UBQLN1: variants seen among roughly 807,000 people sequenced by gnomAD.
UBQLN1 encodes the protein ubiquilin 1, also known as ubiquilin-1.
A neutral mutation model predicts 65.4 loss-of-function variants in UBQLN1; 13 were observed. The observed-to-expected ratio is 0.20, with a 90% CI of 0.13 to 0.32. The LOEUF is 0.32. UBQLN1 is among the 10% of genes least tolerant of loss of function. UBQLN1 has a pLI of 1.00. For missense variants in UBQLN1, 561 were observed against 724.0 expected (o/e 0.77, Z 2.58); for synonymous variants, 267 against 247.8 (o/e 1.08, Z -0.73).
At position 83,686,139 on chromosome 9, in the gene UBQLN1, G is replaced by C; in HGVS notation, c.197C>G (p.Ser66Cys). The part of the protein sequence containing the change: ...SSVQQFKEEI[S>C]KRFKSHTDQL... ...GTCAGTATGTGATTTAAAACGTTTAGAGATTTCTTCCTTAAACTAAATAAA... is the reference window on the plus strand; with the variant it reads ...GTCAGTATGTGATTTAAAACGTTTACAGATTTCTTCCTTAAACTAAATAAA... Residue 66 changes from serine (S) to cysteine (C), a missense_variant, in exon 2 of 11, where the codon TCT becomes TGT. This residue lies in a region of UBQLN1 where 101 missense variants were observed against 104.9 expected (regional missense o/e 0.96). Coordinates refer to ENST00000376395, the MANE Select transcript of UBQLN1 (RefSeq NM_013438.5). 6.3e-7 allele frequency: 1 copy of C among 1,579,970 alleles called. No individual in the cohort carries two copies. The highest frequency in any genetic ancestry group is 8.6e-7 in the Non-Finnish European group (1 of 1,166,010).
intron 9 of UBQLN1, 125 bp downstream of exon 9, chr9:83,664,905 C>T (rs998597316): frequency 4.2e-5 from 26 of 620,018 alleles, no homozygotes; most frequent in Middle Eastern, 3.5e-4. Flanking sequence ...AGGCGAAGGG[C>T]GAGACCCTGT....
intron 10 of UBQLN1, among the ~76,000 whole-genome samples, chr9:83,663,014 C>T (rs181706023): frequency 1.0e-4 from 15 of 148,150 alleles, no homozygotes; most frequent in Admixed American, 7.5e-4. Flanking sequence ...AGGTGCAGGT[C>T]GCAGTGAGCT....
chr9:83,696,406 G>C (rs948116533), intron 1 of UBQLN1, among the ~76,000 whole-genome samples: 8 of 151,918 alleles, frequency 5.3e-5, no homozygotes, highest in African/African-American at 1.9e-4. Flanking sequence ...ATATTCCTAA[G>C]ACCAGCCTGT....
At chr9:83,670,525 T>C (rs550758138) in intron 6 of UBQLN1, among the ~76,000 whole-genome samples, 22 of 152,174 alleles carry the variant, frequency 1.4e-4, no homozygotes, top group Non-Finnish European at 2.6e-4. Flanking sequence ...GTCTATTAAG[T>C]ATGCCACAGC....
chr9:83,694,549 G>C (rs939083447), intron 1 of UBQLN1, among the ~76,000 whole-genome samples: 2 of 152,080 alleles, frequency 1.3e-5, no homozygotes, highest in African/African-American at 4.8e-5. Flanking sequence ...ATGAGAAAGG[G>C]GCACTCTCTC....
intron 1 of UBQLN1, among the ~76,000 whole-genome samples, chr9:83,705,302 G>A (rs896959364): frequency 1.8e-4 from 26 of 143,896 alleles, no homozygotes; most frequent in Admixed American, 1.7e-3. Flanking sequence ...CTGCAATGTC[G>A]CAATCTCGGC....
intron 10 of UBQLN1, among the ~76,000 whole-genome samples, chr9:83,662,632 T>C (rs1179593992): frequency 6.6e-6 from 1 of 152,220 alleles, no homozygotes; most frequent in East Asian, 1.9e-4. Flanking sequence ...ATGTCACAAT[T>C]AATTCTAATA....
chr9:83,685,960 C>T (rs1276384211), intron 2 of UBQLN1, 44 bp downstream of exon 2: 3 of 1,537,566 alleles, frequency 2.0e-6, no homozygotes, highest in Admixed American at 4.4e-5. Flanking sequence ...GAAGTACGAA[C>T]ATTTATCCAC....
intron 5 of UBQLN1, 62 bp from the exon 6 acceptor site, chr9:83,678,023 C>CA: frequency 8.6e-6 from 8 of 931,440 alleles, no homozygotes; most frequent in Non-Finnish European, 1.1e-5. Flanking sequence ...AGATATGAAA[C>CA]TTTTTTTTTT....
In UBQLN1 at chr9:83,666,403, T is replaced by A. The variant is rs781216899; in HGVS notation, c.1279A>T (p.Asn427Tyr). ...CTCATTTGTTCTTGAAGCTGAGGATTTCCAGCAAATAGGGGATTATTCAGC... is the reference window on the plus strand; with the variant it reads ...CTCATTTGTTCTTGAAGCTGAGGATATCCAGCAAATAGGGGATTATTCAGC... ...MMLNNPLFAG[N>Y]PQLQEQMRQQ... Residue 427 changes from asparagine (N) to tyrosine (Y), a missense_variant, in exon 8 of 11, where the codon AAT becomes TAT. By Grantham distance (143) the Asn-to-Tyr change is moderately radical. This residue lies in a region of UBQLN1 where 102 missense variants were observed against 150.7 expected (regional missense o/e 0.68). Transcript: ENST00000376395. The A allele has an allele frequency of 1.9e-6, 3 of 1,613,884 alleles. No homozygotes were observed. The highest frequency in any genetic ancestry group is 2.5e-6 in the Non-Finnish European group (3 of 1,179,846).
chr9:83,707,242 G>T (rs553677773), intron 1 of UBQLN1, among the ~76,000 whole-genome samples: 4 of 152,122 alleles, frequency 2.6e-5, no homozygotes, highest in African/African-American at 9.7e-5. Context: ...GCTGAGGGTC[G>T]GCGGATACCA....
At chr9:83,695,007 C>T (rs960326060) in intron 1 of UBQLN1, among the ~76,000 whole-genome samples, 3 of 152,096 alleles carry the variant, frequency 2.0e-5, no homozygotes, top group Non-Finnish European at 4.4e-5. Context: ...GTCTAATGAG[C>T]TAGTTCTATA....
In UBQLN1 at chr9:83,661,754, T is replaced by C. The variant is rs1423090063; in HGVS notation, c.*33A>G. 2 of 1,567,316 alleles carry C rather than the reference T, an allele frequency of 1.3e-6. No individual in the cohort carries two copies. The highest frequency in any genetic ancestry group is 2.3e-5 in the South Asian group (2 of 85,282). ...AAAGTTTAAGAGCCGTTATCAAAAA[T>C]AAATTACATTTTTTCAAGATACAGA... On this transcript the variant is annotated 3_prime_UTR_variant, in exon 11 of 11. Transcript: ENST00000376395.
intron 1 of UBQLN1, among the ~76,000 whole-genome samples, chr9:83,706,598 G>A (rs1405383455): frequency 6.6e-6 from 1 of 152,168 alleles, no homozygotes; most frequent in Non-Finnish European, 1.5e-5. Context: ...CAGAGATTAA[G>A]TCAGTAATTA....
intron 2 of UBQLN1, among the ~76,000 whole-genome samples, chr9:83,684,685 C>T (rs1265507053): frequency 6.6e-6 from 1 of 151,910 alleles, no homozygotes; most frequent in Non-Finnish European, 1.5e-5. Flanking sequence ...GTGGCGCATG[C>T]CTGTAATTCC....
chr9:83,683,103 G>C (rs767387875), intron 2 of UBQLN1, 37 bp from the exon 3 acceptor site: 1 of 1,468,230 alleles, frequency 6.8e-7, no homozygotes, highest in Non-Finnish European at 9.5e-7. Context: ...AAGCAGTAGA[G>C]CTGATTATTT....
At chr9:83,667,504 A>C in intron 7 of UBQLN1, 1 of 985,444 alleles carries the variant, frequency 1.0e-6, no homozygotes. Context: ...GATGTCAGAC[A>C]ACCTTTCAGG....
At chr9:83,689,852 T>C (rs957155889) in intron 1 of UBQLN1, among the ~76,000 whole-genome samples, 1 of 152,056 alleles carries the variant, frequency 6.6e-6, no homozygotes, top group African/African-American at 2.4e-5. Context: ...AATTGAAAAA[T>C]GGCCAAGAAA....
At chr9:83,676,868 G>A (rs958579928) in intron 6 of UBQLN1, among the ~76,000 whole-genome samples, 1 of 152,146 alleles carries the variant, frequency 6.6e-6, no homozygotes, top group African/African-American at 2.4e-5. Flanking sequence ...AATGATCTTG[G>A]ACCTAATTCA....
Sources: gnomAD v4.1 joint callset for allele counts (sites outside exome capture counted in the v4.1 genomes callset) on GRCh38, gnomAD v4.1.1 for gene constraint, gnomAD v4.1.1 regional missense constraint, MANE v1.5 for transcripts, NCBI Gene and HGNC (gene_info 2026-07-23, HGNC 2026-07-21) for gene names.